The following TBX20 variants were observed in gnomAD, a reference collection of about 807,000 sequenced individuals.
TBX20 encodes the protein T-box transcription factor TBX20.
A neutral mutation model predicts 42.9 loss-of-function variants in TBX20; 8 were observed. The ratio of observed to expected loss-of-function variants is 0.19; its 90% CI spans 0.11 to 0.34. The LOEUF (loss-of-function observed/expected upper bound fraction) is 0.34. TBX20 is among the 10% of genes least tolerant of loss of function. The pLI is 1.00. For missense variants in TBX20, 411 were observed against 566.0 expected (o/e 0.73, Z 2.78); for synonymous variants, 198 against 222.8 (o/e 0.89, Z 0.99).
intron 6 of TBX20, among the ~76,000 whole-genome samples, chr7:35,229,250 A>G (rs964880558): frequency 2.0e-5 from 3 of 152,156 alleles, no homozygotes; most frequent in Non-Finnish European, 2.9e-5. Flanking sequence ...TTATAAAGAA[A>G]AGCTCCCTAT....
chr7:35,224,957 A>G (rs1435679477), intron 6 of TBX20, among the ~76,000 whole-genome samples: 1 of 151,920 alleles, frequency 6.6e-6, no homozygotes. Context: ...TTATCCTTCA[A>G]TGGTGTCCCA....
chr7:35,243,612 T>C (rs1285608327), intron 4 of TBX20, among the ~76,000 whole-genome samples: 1 of 152,020 alleles, frequency 6.6e-6, no homozygotes, highest in South Asian at 2.1e-4. Context: ...ATAAATGACA[T>C]TAAGAATGAT....
rs1332445365 is a variant in TBX20 at position 35,249,375 on chromosome 7, TCCCTGCAG to T, written c.381-542_381-535del. On this transcript the variant is annotated intron_variant, in intron 2 of 7. Coordinates refer to ENST00000408931, the MANE Select transcript of TBX20 (RefSeq NM_001077653.2). The surrounding 1 kb of genome is among the most constrained non-coding windows in gnomAD (Gnocchi z 4.3). ...TGCCAGCCTCTGCCCCATCCCAACC[TCCCTGCAG>T]CCCTGCAGCTTCCTGCCTGGCCAAA... Among the ~76,000 whole-genome samples the T allele has an allele frequency of 6.6e-6, 1 of 152,190 alleles. No homozygotes were observed. The highest frequency in any genetic ancestry group is 1.5e-5 in the Non-Finnish European group (1 of 68,016).
chr7:35,207,548 A>C (rs1789420575), intron 6 of TBX20, among the ~76,000 whole-genome samples: 1 of 152,310 alleles, frequency 6.6e-6, no homozygotes, highest in East Asian at 1.9e-4. Flanking sequence ...CCATATTTTA[A>C]GATCTTTGCC....
chr7:35,247,060 AT>A (rs1790203912), intron 3 of TBX20, among the ~76,000 whole-genome samples: 1 of 149,080 alleles, frequency 6.7e-6, no homozygotes, highest in Non-Finnish European at 1.5e-5. Context: ...GGCATGTCAT[AT>A]TTCCAAAGTC....
At chr7:35,225,082 A>G (rs1789747017) in intron 6 of TBX20, among the ~76,000 whole-genome samples, 1 of 152,210 alleles carries the variant, frequency 6.6e-6, no homozygotes, top group Non-Finnish European at 1.5e-5. Context: ...TAACTAGAAA[A>G]CACAAGAGAC....
At chr7:35,238,684 T>C (rs1370629405) in intron 5 of TBX20, among the ~76,000 whole-genome samples, 1 of 152,246 alleles carries the variant, frequency 6.6e-6, no homozygotes, top group Non-Finnish European at 1.5e-5. Context: ...TGTTCCAGAT[T>C]CGCAGAGAAA....
rs559991983 is a variant in TBX20 at position 35,250,112 on chromosome 7, G to A, written c.219C>T (p.Ser73=). ...TGCACAGAGAGGAGGAGGACGGGCT[G>A]CTGCCACTGCCTCCACCAAACTCCC... The part of the protein sequence containing the change: ...AHGEFGGGSG[S]SPSSSSLCTE... Residue 73 remains serine, a synonymous_variant, in exon 2 of 8, where the codon AGC becomes AGT. Coordinates refer to ENST00000408931, the MANE Select transcript of TBX20 (RefSeq NM_001077653.2). The A allele has an allele frequency of 6.2e-7, 1 of 1,613,418 alleles. No homozygotes were observed. The highest frequency in any genetic ancestry group is 1.3e-5 in the African/African-American group (1 of 75,008).
intron 5 of TBX20, among the ~76,000 whole-genome samples, chr7:35,239,003 G>A (rs1366796432): frequency 6.6e-6 from 1 of 151,966 alleles, no homozygotes; most frequent in Non-Finnish European, 1.5e-5. Flanking sequence ...GCTTAAACAA[G>A]CCTACACACA....
At chr7:35,208,798 A>ACTTGTTCTTT (rs1388104970) in intron 6 of TBX20, among the ~76,000 whole-genome samples, 1 of 140,230 alleles carries the variant, frequency 7.1e-6, no homozygotes, top group Non-Finnish European at 1.5e-5. Flanking sequence ...GACATCAATA[A>ACTTGTTCTTT]CTTGTTCTTT....
Position 35,237,483 on chromosome 7 carries a change from G to C in TBX20, c.813+3396C>G, listed in dbSNP as rs148578245. Among the ~76,000 whole-genome samples, 490 of 152,158 alleles carry C rather than the reference G, an allele frequency of 3.2e-3. 3 individuals are homozygous for C. The highest frequency in any genetic ancestry group is 0.012 in the African/African-American group (482 of 41,520). On this transcript the variant is annotated intron_variant, in intron 5 of 7. Transcript: ENST00000408931. ...TTCTCATTGTCAGAATATGCTTAAA[G>C]AGTGTTTAGAAGTGTCAGGAGGCAT... is the stretch of plus-strand genomic sequence containing the variant.
Position 35,253,506 on chromosome 7 carries a change from T to C in TBX20, c.115A>G (p.Ile39Val), listed in dbSNP as rs371697707. ...SKEKEATENT[I>V]KPLEQFVEKS... ...TAGCCCAACTTACCCAGGGGTTTGA[T>C]TGTGTTCTCCGTCGCCTCCTTCTCC... Residue 39 changes from isoleucine (I) to valine (V), a missense_variant, in exon 1 of 8, where the codon ATC becomes GTC. By Grantham distance (29) the Ile-to-Val change is conservative (BLOSUM62 3). Around this residue, in one of 5 missense-constraint regions of TBX20, gnomAD observed 114 missense variants for 128.0 expected, o/e 0.89. Coordinates refer to ENST00000408931, the MANE Select transcript of TBX20 (RefSeq NM_001077653.2). The C allele has an allele frequency of 3.1e-6, 5 of 1,611,402 alleles. No homozygotes were observed. The highest frequency in any genetic ancestry group is 2.5e-6 in the Non-Finnish European group (3 of 1,179,312).
chr7:35,226,475 G>A (rs1789773187), intron 6 of TBX20, among the ~76,000 whole-genome samples: 1 of 150,050 alleles, frequency 6.7e-6, no homozygotes, highest in Admixed American at 6.6e-5. Context: ...GTTCACCTAC[G>A]AAACTGGCAA....
intron 6 of TBX20, 74 bp downstream of exon 6, chr7:35,231,430 G>T: frequency 1.0e-6 from 1 of 959,594 alleles, no homozygotes; most frequent in East Asian, 2.5e-5. Flanking sequence ...GGTGTCGAAA[G>T]GAGTGTGTTG....
chr7:35,213,877 C>CAAAAAAAAAAAAAAAAAA (rs59548164), intron 6 of TBX20, among the ~76,000 whole-genome samples: 8 of 59,772 alleles, frequency 1.3e-4, no homozygotes, highest in African/African-American at 5.4e-4. Context: ...GCAGAGATAG[C>CAAAAAAAAAAAAAAAAAA]AAAAAAAAAA....
chr7:35,240,919 T>A lies in TBX20; in HGVS notation c.773A>T (p.Glu258Val). Residue 258 changes from glutamate (E) to valine (V), a missense_variant, in exon 5 of 8, where the codon GAA becomes GTA. Around this residue, in one of 5 missense-constraint regions of TBX20, gnomAD observed 121 missense variants for 165.9 expected, o/e 0.73. Coordinates refer to ENST00000408931, the MANE Select transcript of TBX20 (RefSeq NM_001077653.2). ...SEEFRTFIFP[E>V]TVFTAVTAYQ... ...GGCAGTGACTGCCGTAAAAACTGTTTCTGGAAAGATGAAAGTTCTAAATTC... is the reference window on the plus strand; with the variant it reads ...GGCAGTGACTGCCGTAAAAACTGTTACTGGAAAGATGAAAGTTCTAAATTC... 1 of 1,613,944 alleles carries A rather than the reference T, an allele frequency of 6.2e-7. No individual in the cohort carries two copies.
At chr7:35,235,456 C>CA (rs1789946884) in intron 5 of TBX20, among the ~76,000 whole-genome samples, 2 of 152,074 alleles carry the variant, frequency 1.3e-5, no homozygotes, top group African/African-American at 4.8e-5. Context: ...AAAGAAGTAT[C>CA]AAAAATAAAT....
At chr7:35,226,014 A>G (rs1584347998) in intron 6 of TBX20, among the ~76,000 whole-genome samples, 1 of 152,330 alleles carries the variant, frequency 6.6e-6, no homozygotes, top group East Asian at 1.9e-4. Context: ...ATGAAAAATA[A>G]GTGGGAAATG....
chr7:35,217,651 G>A (rs1271691269), intron 6 of TBX20, among the ~76,000 whole-genome samples: 1 of 152,028 alleles, frequency 6.6e-6, no homozygotes, highest in Admixed American at 6.6e-5. Flanking sequence ...TCTGTTAAAC[G>A]CCATTCCTTC....
Sources: gnomAD v4.1 joint callset for allele counts (sites outside exome capture counted in the v4.1 genomes callset) on GRCh38, gnomAD v4.1.1 for gene constraint, gnomAD v4.1.1 regional missense constraint, Gnocchi (gnomAD v3.1) non-coding constraint, MANE v1.5 for transcripts, NCBI Gene and HGNC (gene_info 2026-07-23, HGNC 2026-07-21) for gene names.